The following DZIP1L variants were observed in gnomAD, a reference collection of about 807,000 sequenced individuals.
DZIP1L encodes the protein DAZ interacting zinc finger protein 1 like, also known as cilium assembly protein DZIP1L.
Under a neutral mutation model 88.7 loss-of-function variants are expected in DZIP1L, and 90 were observed. The ratio of observed to expected loss-of-function variants is 1.02; its 90% CI spans 0.86 to 1.21. The LOEUF (loss-of-function observed/expected upper bound fraction) is 1.21. DZIP1L is among the 50% of genes most tolerant of loss of function. The pLI, the probability that DZIP1L is intolerant of heterozygous loss-of-function variation, is 0.00. For synonymous variants in DZIP1L, 363 were observed against 372.1 expected (o/e 0.98, Z 0.28); for missense variants, 932 against 955.8 (o/e 0.98, Z 0.33).
At chr3:138,072,314 G>C (rs1220073966) in intron 11 of DZIP1L, among the ~76,000 whole-genome samples, 2 of 152,274 alleles carry the variant, frequency 1.3e-5, no homozygotes, top group East Asian at 3.9e-4. Context: ...TCGAGCTTTT[G>C]ACATCCACCC....
intron 12 of DZIP1L, chr3:138,069,072 C>A: frequency 9.2e-7 from 1 of 1,084,588 alleles, no homozygotes; most frequent in Non-Finnish European, 1.3e-6. Context: ...TGGGGTTGAA[C>A]AGCCATGGGT....
chr3:138,107,932 A>G (rs2042542340), intron 1 of DZIP1L, among the ~76,000 whole-genome samples: 1 of 152,060 alleles, frequency 6.6e-6, no homozygotes, highest in African/African-American at 2.4e-5. Context: ...CCTTTCTCAG[A>G]TACTCTTTCC....
rs748512151 is a variant in DZIP1L at position 138,103,621 on chromosome 3, GGTCTGCAGCCGT to G, written c.339_350del (p.Arg114_Thr117del). On this transcript the variant is annotated inframe_deletion, in exon 2 of 16. Transcript: ENST00000327532. ...GACCACGCTGCTGCTGGCCCAGGCTGGTCTGCAGCCGTGCCTCCAGCTGGGCAACACTGGCAC... is the reference window on the plus strand; with the variant it reads ...GACCACGCTGCTGCTGGCCCAGGCTGGCCTCCAGCTGGGCAACACTGGCAC... 7 of 1,606,408 alleles carry G rather than the reference GGTCTGCAGCCGT, an allele frequency of 4.4e-6. No individual in the cohort carries two copies. In the African/African-American group the frequency reaches 8.0e-5, roughly 18 times the overall value.
intron 2 of DZIP1L, among the ~76,000 whole-genome samples, chr3:138,100,484 C>T (rs546946164): frequency 5.0e-4 from 76 of 152,134 alleles, no homozygotes; most frequent in Non-Finnish European, 9.7e-4. Flanking sequence ...ATTATTGAAC[C>T]TCAAGATGGA....
intron 12 of DZIP1L, chr3:138,068,855 T>C: frequency 8.5e-6 from 10 of 1,180,096 alleles, no homozygotes; most frequent in Non-Finnish European, 1.1e-5. Flanking sequence ...GGCAGGCAAT[T>C]GGACACAGCC....
rs373856808 is a variant in DZIP1L at position 138,093,020 on chromosome 3, T to C, written c.709-476A>G. ...TCCAAAGAATCACACATTTTCTTAA[T>C]GGCATCCAGAATGGCAAATCCTTTC... On this transcript the variant is annotated intron_variant, in intron 4 of 15. Coordinates refer to ENST00000327532, the MANE Select transcript of DZIP1L (RefSeq NM_173543.3). 2.5e-4 allele frequency among the ~76,000 whole-genome samples: 38 copies of C among 152,368 alleles called. 1 individual carries two copies. The South Asian group carries it at 4.8e-3, about 19-fold the overall frequency.
rs527489616 is a variant in DZIP1L at position 138,085,085 on chromosome 3, C to T, written c.1063-832G>A. On this transcript the variant is annotated intron_variant, in intron 7 of 15. Transcript: ENST00000327532. ...GTAGCGTGATGCCTCCACTTCCTTA[C>T]ACCTTATACAAAAATTAATTCAAGA... Among the ~76,000 whole-genome samples, 5 of 152,290 alleles carry T rather than the reference C, an allele frequency of 3.3e-5. No homozygotes were observed. The South Asian group carries it at 8.3e-4, about 25-fold the overall frequency.
chr3:138,106,340 A>G (rs2042489257), intron 1 of DZIP1L, among the ~76,000 whole-genome samples: 1 of 149,932 alleles, frequency 6.7e-6, no homozygotes, highest in African/African-American at 2.5e-5. Context: ...GGGTTTCACT[A>G]TGTTGGCCAC....
chr3:138,112,942 G>A (rs113900161), intron 1 of DZIP1L, among the ~76,000 whole-genome samples: 4,424 of 151,432 alleles, frequency 0.029, 231 homozygotes, highest in African/African-American at 0.1. Context: ...GTGAGACTTC[G>A]TCTCAAAAAA....
intron 14 of DZIP1L, among the ~76,000 whole-genome samples, chr3:138,067,040 A>C (rs914958127): frequency 2.6e-5 from 4 of 152,120 alleles, no homozygotes; most frequent in African/African-American, 9.7e-5. Context: ...CCTGCACACA[A>C]GTAAGATTGG....
intron 10 of DZIP1L, among the ~76,000 whole-genome samples, chr3:138,079,823 T>C (rs533905791): frequency 1.3e-5 from 2 of 152,284 alleles, no homozygotes; most frequent in African/African-American, 4.8e-5. Context: ...AATTAAAACT[T>C]GTCTGGGTGT....
At chr3:138,102,579 C>G in intron 2 of DZIP1L, 2 of 1,450,318 alleles carry the variant, frequency 1.4e-6, no homozygotes, top group South Asian at 2.3e-5. Context: ...TGTTCTGCTG[C>G]TCCAGGAACC....
Position 138,103,919 on chromosome 3 carries a change from G to A in DZIP1L, c.53C>T (p.Ala18Val), listed in dbSNP as rs1166092949. ...AAACTTGAAGGTGGGGAACGTGTAG[G>A]CCCCAAAGAGGGGGCCACTGAGGCC... ...AEGLSGPLFG[A>V]YTFPTFKFQP... Residue 18 changes from alanine to valine, a missense_variant, in exon 2 of 16, where the codon GCC (alanine) becomes GTC (valine). Ala to Val is a moderately conservative substitution (Grantham distance 64). Coordinates refer to ENST00000327532, the MANE Select transcript of DZIP1L (RefSeq NM_173543.3). 2.5e-6 allele frequency: 4 copies of A among 1,613,596 alleles called. No individual in the cohort carries two copies. Among genetic ancestry groups the A allele is most frequent in the Non-Finnish European group, 3.4e-6 (4 of 1,180,034 alleles).
chr3:138,106,130 T>TCTTTC lies in DZIP1L; in HGVS notation c.-81-2079_-81-2078insGAAAG, dbSNP rs10647482. ...ATTACATGATTCAGTCTTCTTTCTT[T>TCTTTC]TTTTTTTTTTTTTTTTTTTTTTTTT... On this transcript the variant is annotated intron_variant, in intron 1 of 15. Coordinates refer to ENST00000327532, the MANE Select transcript of DZIP1L (RefSeq NM_173543.3). Among the ~76,000 whole-genome samples, 102 of 111,364 alleles carry TCTTTC rather than the reference T, an allele frequency of 9.2e-4. 2 individuals carry two copies. The highest frequency in any genetic ancestry group is 4.3e-3 in the African/African-American group (98 of 22,920). 73.1% of individuals were successfully genotyped at this position (111,364 alleles called of 152,430 possible).
rs1164981687 is a variant in DZIP1L, at chr3:138,062,723, G to A, written c.*93C>T. 5 of 1,406,356 alleles carry A rather than the reference G, an allele frequency of 3.6e-6. No homozygotes were observed. The African/African-American group carries it at 7.1e-5, about 20-fold the overall frequency. 87.1% of individuals were successfully genotyped at this position (1,406,356 alleles called of 1,614,324 possible). ...AGAGGATGATCTCTTGGTTGTTTGTGAAGACAAGAGGCCCAGCAGCCTCTT... is the reference window on the plus strand; with the variant it reads ...AGAGGATGATCTCTTGGTTGTTTGTAAAGACAAGAGGCCCAGCAGCCTCTT... On this transcript the variant is annotated 3_prime_UTR_variant, in exon 16 of 16. Transcript: ENST00000327532.
rs142055327 is a variant in DZIP1L at position 138,100,909 on chromosome 3, A to G, written c.501+2562T>C. 3.2e-4 allele frequency among the ~76,000 whole-genome samples: 48 copies of G among 152,272 alleles called. 3 individuals carry two copies. In the East Asian group the frequency reaches 9.1e-3, roughly 29 times the overall value. ...CGCTCCATGTTGCTTTGGGAAATGAACTGTCACTTGGTTGAATAATGGAGT... is the reference window on the plus strand; with the variant it reads ...CGCTCCATGTTGCTTTGGGAAATGAGCTGTCACTTGGTTGAATAATGGAGT... On this transcript the variant is annotated intron_variant, in intron 2 of 15. Transcript: ENST00000327532.
chr3:138,071,179 A>G (rs183699250), intron 12 of DZIP1L, among the ~76,000 whole-genome samples: 6 of 152,182 alleles, frequency 3.9e-5, no homozygotes, highest in Non-Finnish European at 7.4e-5. Flanking sequence ...GCAGAAGTTT[A>G]CATTCAATTG....
chr3:138,067,091 C>T (rs1228495786), intron 14 of DZIP1L, among the ~76,000 whole-genome samples: 1 of 152,134 alleles, frequency 6.6e-6, no homozygotes, highest in Non-Finnish European at 1.5e-5. Flanking sequence ...CCACTTTGGC[C>T]TCAAGTGCGG....
chr3:138,071,694 C>A lies in DZIP1L; in HGVS notation c.1564G>T (p.Glu522Ter), dbSNP rs751968525. The change falls in exon 12 of 16, where the codon GAG becomes TAG. Residue 522 changes from glutamate to a stop codon, truncating the protein, a stop_gained. Transcript: ENST00000327532. LOFTEE classifies it high-confidence loss of function. ...ACCACAGCGCCATTCTCCTGTCTCT[C>A]CTTCGCTCTGCTGGTGACTTCCTTG... is the stretch of plus-strand genomic sequence containing the variant. Reference protein sequence around the residue: ...LVKEVTSRAKERQENGAVVSQ... With the variant: ...LVKEVTSRAK 6.2e-7 allele frequency: 1 copy of A among 1,614,098 alleles called. No individual in the cohort carries two copies. Among genetic ancestry groups the A allele is most frequent in the Non-Finnish European group, 8.5e-7 (1 of 1,180,040 alleles).
Sources: gnomAD v4.1 joint callset for allele counts (sites outside exome capture counted in the v4.1 genomes callset) on GRCh38, gnomAD v4.1.1 for gene constraint, MANE v1.5 for transcripts, NCBI Gene and HGNC (gene_info 2026-07-23, HGNC 2026-07-21) for gene names.